The following SYCP1 variants were observed in gnomAD, a reference collection of about 807,000 sequenced individuals.
The protein encoded by SYCP1 is synaptonemal complex protein 1.
Under a neutral mutation model 153.1 loss-of-function variants are expected in SYCP1, and 64 were observed. The observed-to-expected ratio is 0.42, with a 90% confidence interval of 0.34 to 0.51. SYCP1 has a LOEUF of 0.51. Among genes scored for constraint, SYCP1 ranks in the 20% least tolerant of loss-of-function variants. SYCP1 has a pLI of 0.06. For missense variants in SYCP1, 997 were observed against 1,049.0 expected (o/e 0.95, Z 0.68); for synonymous variants, 384 against 341.8 (o/e 1.12, Z -1.36).
At position 114,978,909 on chromosome 1, in the gene SYCP1, C is replaced by A. The variant is rs774466358; in HGVS notation, c.2382+1293C>A. Among the ~76,000 whole-genome samples the A allele has an allele frequency of 1.5e-4, 23 of 151,528 alleles. 1 individual carries two copies. The highest frequency in any genetic ancestry group is 3.0e-5 in the Non-Finnish European group (2 of 67,682). ...AATGAATATAAGCAAATTGGTTAAT[C>A]TCCAATATTCTTTTTTAAATTTAGA... On this transcript the variant is annotated intron_variant, in intron 28 of 31. Transcript: ENST00000369522.
At chr1:114,988,418 T>A (rs1325548769) in intron 30 of SYCP1, among the ~76,000 whole-genome samples, 1 of 151,942 alleles carries the variant, frequency 6.6e-6, no homozygotes, top group Non-Finnish European at 1.5e-5. Flanking sequence ...GCAAGAGAGA[T>A]GCAACTCATT....
intron 23 of SYCP1, among the ~76,000 whole-genome samples, chr1:114,938,974 A>G (rs539104544): frequency 6.6e-6 from 1 of 152,302 alleles, no homozygotes; most frequent in East Asian, 1.9e-4. Flanking sequence ...GTCAGATGGT[A>G]CAGTCACTGT....
At chr1:114,913,917 T>G (rs2101683884) in intron 19 of SYCP1, 58 bp from the exon 20 acceptor site, 3 of 1,306,408 alleles carry the variant, frequency 2.3e-6, no homozygotes, top group Non-Finnish European at 3.1e-6. Context: ...TAAATAGTAG[T>G]TTAAATTTTA....
chr1:114,953,998 G>T (rs1361965614), intron 27 of SYCP1, among the ~76,000 whole-genome samples: 1 of 151,836 alleles, frequency 6.6e-6, no homozygotes, highest in Non-Finnish European at 1.5e-5. Flanking sequence ...CTCTAAACCT[G>T]TTTTGTTAAA....
chr1:114,986,863 C>A (rs2101969626), intron 30 of SYCP1, among the ~76,000 whole-genome samples: 1 of 151,968 alleles, frequency 6.6e-6, no homozygotes, highest in South Asian at 2.1e-4. Context: ...TGGTAAATTG[C>A]AGTTAATTTA....
chr1:114,882,073 A>T (rs1391411905), intron 12 of SYCP1, among the ~76,000 whole-genome samples: 16 of 152,010 alleles, frequency 1.1e-4, no homozygotes, highest in Non-Finnish European at 1.5e-5. Flanking sequence ...CCCGTGTTGC[A>T]TCTTGGGAGG....
intron 23 of SYCP1, among the ~76,000 whole-genome samples, chr1:114,939,470 A>C (rs1375465350): frequency 6.6e-6 from 1 of 152,230 alleles, no homozygotes; most frequent in Non-Finnish European, 1.5e-5. Context: ...GAAGTAAAAA[A>C]GACCTACTGA....
chr1:114,913,226 C>G (rs1044869757), intron 19 of SYCP1, 76 bp downstream of exon 19: 7 of 1,158,954 alleles, frequency 6.0e-6, no homozygotes, highest in Non-Finnish European at 8.8e-6. Context: ...CTCTAAAGAC[C>G]CTTTGACCTT....
intron 27 of SYCP1, among the ~76,000 whole-genome samples, chr1:114,970,615 G>A (rs539095742): frequency 6.6e-6 from 1 of 152,100 alleles, no homozygotes; most frequent in East Asian, 1.9e-4. Flanking sequence ...CCTTGATGTG[G>A]TGCTCTCCCT....
chr1:114,993,693 A>T (rs1674078708), intron 30 of SYCP1, among the ~76,000 whole-genome samples: 1 of 151,532 alleles, frequency 6.6e-6, no homozygotes, highest in Non-Finnish European at 1.5e-5. Context: ...TTGTAAATTA[A>T]GTGACAACAT....
chr1:114,856,528 G>A, intron 2 of SYCP1, 45 bp from the exon 3 acceptor site: 1 of 1,350,300 alleles, frequency 7.4e-7, no homozygotes, highest in Non-Finnish European at 1.0e-6. Flanking sequence ...TAGTATATCA[G>A]AGTGGTATGA....
intron 8 of SYCP1, among the ~76,000 whole-genome samples, chr1:114,870,059 A>G (rs924260073): frequency 6.6e-6 from 1 of 152,074 alleles, no homozygotes; most frequent in Non-Finnish European, 1.5e-5. Context: ...TGTTACCCAG[A>G]CTGCAGTGCA....
intron 23 of SYCP1, among the ~76,000 whole-genome samples, chr1:114,937,011 CA>C (rs1291931989): frequency 1.3e-5 from 2 of 152,146 alleles, no homozygotes; most frequent in African/African-American, 2.4e-5. Context: ...ATCAAGCTAC[CA>C]ATCACTTTCT....
chr1:114,987,213 C>T (rs1030516914), intron 30 of SYCP1, among the ~76,000 whole-genome samples: 17 of 151,798 alleles, frequency 1.1e-4, no homozygotes, highest in South Asian at 2.1e-4. Flanking sequence ...TTAAAAAAGA[C>T]GGGAGAAGAC....
intron 20 of SYCP1, among the ~76,000 whole-genome samples, chr1:114,922,560 G>T (rs535658150): frequency 6.6e-6 from 1 of 152,028 alleles, no homozygotes. Flanking sequence ...GCAAGAGTTC[G>T]CTATTGCAGG....
At chr1:114,881,056 T>TACACACACACACAC (rs67335338) in intron 12 of SYCP1, among the ~76,000 whole-genome samples, 4 of 144,940 alleles carry the variant, frequency 2.8e-5, no homozygotes, top group African/African-American at 7.9e-5. Context: ...TTTGTGTATA[T>TACACACACACACAC]ACACACACAC....
intron 28 of SYCP1, among the ~76,000 whole-genome samples, chr1:114,980,865 T>G (rs1005252629): frequency 6.6e-6 from 1 of 151,944 alleles, no homozygotes; most frequent in African/African-American, 2.4e-5. Context: ...GTTGTACAGA[T>G]TATTTTGTCA....
In SYCP1 at chr1:114,855,583, A is replaced by G. The variant is rs1246944637; in HGVS notation, c.108+11A>G. ...TCCACTTTCTTCAAGGTAAATTTCC[A>G]TGTGACTCTTAATTGGACTCTTCTT... On this transcript the variant is annotated intron_variant, in intron 2 of 31. Coordinates refer to ENST00000369522, the MANE Select transcript of SYCP1 (RefSeq NM_003176.4). The G allele has an allele frequency of 6.3e-7, 1 of 1,592,234 alleles. No homozygotes were observed. Among genetic ancestry groups the G allele is most frequent in the Admixed American group, 1.7e-5 (1 of 58,964 alleles).
At chr1:114,969,491 T>TC (rs767175374) in intron 27 of SYCP1, among the ~76,000 whole-genome samples, 4 of 152,052 alleles carry the variant, frequency 2.6e-5, no homozygotes, top group Non-Finnish European at 4.4e-5. Context: ...CCCCTCCACC[T>TC]CCCCCAACAA....
Sources: allele counts gnomAD v4.1 joint callset (sites outside exome capture counted in the v4.1 genomes callset), GRCh38; gene constraint gnomAD v4.1.1; transcripts MANE v1.5; gene names NCBI Gene and HGNC (gene_info 2026-07-23, HGNC 2026-07-21).